The following MYO1E variants were observed in gnomAD, a reference collection of about 807,000 sequenced individuals.
MYO1E encodes the protein unconventional myosin-Ie.
A neutral mutation model predicts 151.1 loss-of-function variants in MYO1E; 68 were observed. The ratio of observed to expected loss-of-function variants is 0.45; its 90% CI spans 0.37 to 0.55. MYO1E has a LOEUF of 0.55. MYO1E is among the 20% of genes least tolerant of loss of function. The pLI, the probability that MYO1E is intolerant of heterozygous loss-of-function variation, is 0.00. For synonymous variants in MYO1E, 601 were observed against 501.7 expected, an observed-to-expected ratio of 1.20 and a Z score of -2.64; for missense variants, 1,363 against 1,389.3, an observed-to-expected ratio of 0.98 and a Z score of 0.30.
Position 59,350,035 on chromosome 15 carries a change from C to T in MYO1E, c.3+22463G>A, listed in dbSNP as rs1176974124. Among the ~76,000 whole-genome samples, 2 of 152,118 alleles carry T rather than the reference C, an allele frequency of 1.3e-5. No individual in the cohort carries two copies. The highest frequency in any genetic ancestry group is 2.9e-5 in the Non-Finnish European group (2 of 68,028). On this transcript the variant is annotated intron_variant, in intron 1 of 27. Coordinates refer to ENST00000288235, the MANE Select transcript of MYO1E (RefSeq NM_004998.4). The surrounding 1 kb of genome is among the most constrained non-coding windows in gnomAD (Gnocchi z 5.0). ...CCTCAGCCACAACCAGGTTGTGGTG[C>T]GTTACATAGTCCCAATGGTGGTATC...
chr15:59,281,320 G>T, intron 1 of MYO1E, among the ~76,000 whole-genome samples: 1 of 148,502 alleles, frequency 6.7e-6, no homozygotes. Context: ...CTGTCACCTA[G>T]GCTGGAGTGT....
chr15:59,234,817 C>T (rs1219015036), intron 5 of MYO1E, among the ~76,000 whole-genome samples: 2 of 82,618 alleles, frequency 2.4e-5, no homozygotes, highest in African/African-American at 3.9e-5. Context: ...AGTGAGACCC[C>T]ATCTCAAAAA....
chr15:59,224,855 T>C (rs2079979778), intron 7 of MYO1E, 32 bp from the exon 8 acceptor site: 4 of 1,613,946 alleles, frequency 2.5e-6, no homozygotes, highest in South Asian at 2.2e-5. Context: ...TGAGCCATGA[T>C]GTGGACCACA....
chr15:59,337,808 G>A (rs1355844436), intron 1 of MYO1E, among the ~76,000 whole-genome samples: 1 of 152,086 alleles, frequency 6.6e-6, no homozygotes, highest in Non-Finnish European at 1.5e-5. Flanking sequence ...CTCCAGCCTA[G>A]GCAACAGAGC....
intron 1 of MYO1E, among the ~76,000 whole-genome samples, chr15:59,283,675 C>G (rs907207364): frequency 2.6e-5 from 4 of 152,216 alleles, no homozygotes; most frequent in African/African-American, 4.8e-5. Flanking sequence ...TATAACTTAT[C>G]TAATCCTTAC....
chr15:59,332,265 G>A (rs1252867772), intron 1 of MYO1E, among the ~76,000 whole-genome samples: 2 of 152,156 alleles, frequency 1.3e-5, no homozygotes, highest in South Asian at 2.1e-4. Flanking sequence ...TCTAACTGCC[G>A]CTACTTCTTT....
intron 1 of MYO1E, among the ~76,000 whole-genome samples, chr15:59,328,343 T>C (rs899831498): frequency 1.2e-4 from 18 of 152,158 alleles, no homozygotes; most frequent in African/African-American, 4.1e-4. Context: ...ACTTGATCCA[T>C]TGCCAGGCTC....
rs145232568 is a variant in MYO1E, at chr15:59,314,736, G to A, written c.4-42287C>T. ...TGGTATCTAGTGAGTGGATACCAGG[G>A]ATGTAGCTAAACATCCTCCTATGCA... On this transcript the variant is annotated intron_variant, in intron 1 of 27. Coordinates refer to ENST00000288235, the MANE Select transcript of MYO1E (RefSeq NM_004998.4). Among the ~76,000 whole-genome samples the A allele has an allele frequency of 4.6e-3, 703 of 152,206 alleles. 8 individuals are homozygous for A. Among genetic ancestry groups the A allele is most frequent in the African/African-American group, 0.016 (669 of 41,518 alleles).
At chr15:59,317,339 C>T (rs911117461) in intron 1 of MYO1E, among the ~76,000 whole-genome samples, 4 of 152,176 alleles carry the variant, frequency 2.6e-5, no homozygotes, top group African/African-American at 9.7e-5. Context: ...CCTAAAGAAA[C>T]CTGGAACAAG....
intron 19 of MYO1E, 64 bp from the exon 20 acceptor site, chr15:59,174,304 T>C (rs1238081753): frequency 2.6e-6 from 3 of 1,170,966 alleles, no homozygotes; most frequent in Non-Finnish European, 3.8e-6. Context: ...ACAACACTTT[T>C]CTTGTTATTC....
chr15:59,250,970 T>C (rs1185299559), intron 4 of MYO1E, among the ~76,000 whole-genome samples: 2 of 152,132 alleles, frequency 1.3e-5, no homozygotes, highest in South Asian at 2.1e-4. Context: ...GCCTCCAGAC[T>C]AGCAAGCTCA....
At chr15:59,284,146 T>C (rs1303359425) in intron 1 of MYO1E, among the ~76,000 whole-genome samples, 1 of 152,200 alleles carries the variant, frequency 6.6e-6, no homozygotes, top group African/African-American at 2.4e-5. Context: ...GCCTGGGGCA[T>C]GGGAGTGCCC....
chr15:59,172,494 G>A (rs750099067), intron 21 of MYO1E, among the ~76,000 whole-genome samples: 8 of 152,258 alleles, frequency 5.3e-5, no homozygotes, highest in South Asian at 4.1e-4. Flanking sequence ...TCACATGACC[G>A]GGCCCCATGA....
chr15:59,140,312 G>T (rs1382617355), intron 26 of MYO1E, among the ~76,000 whole-genome samples: 2 of 152,206 alleles, frequency 1.3e-5, no homozygotes, highest in Admixed American at 1.3e-4. Context: ...AGTTCAACTT[G>T]TTCCTATTTA....
chr15:59,202,422 A>G lies in MYO1E; in HGVS notation c.1617-15T>C. ...TTATGAAAGGCCTGGAAAAGGAGAA[A>G]GAGAATGAATTAACAATCTGTAAGT... On this transcript the variant is annotated splice_polypyrimidine_tract_variant and intron_variant, in intron 15 of 27. Coordinates refer to ENST00000288235, the MANE Select transcript of MYO1E (RefSeq NM_004998.4). The G allele has an allele frequency of 1.2e-6, 2 of 1,608,076 alleles. No homozygotes were observed. The highest frequency in any genetic ancestry group is 1.4e-5 in the African/African-American group (1 of 72,604).
At chr15:59,351,059 G>A (rs2080820621) in intron 1 of MYO1E, among the ~76,000 whole-genome samples, 1 of 152,168 alleles carries the variant, frequency 6.6e-6, no homozygotes, top group Admixed American at 6.5e-5. Flanking sequence ...ACCACGCCCA[G>A]CTAATTTTTT....
At chr15:59,181,868 G>A (rs17302219) in intron 18 of MYO1E, among the ~76,000 whole-genome samples, 44,492 of 152,090 alleles carry the variant, frequency 0.29, 7,113 homozygotes, top group East Asian at 0.57. Flanking sequence ...GCCTTTCTGT[G>A]GACACCTAGA....
intron 1 of MYO1E, among the ~76,000 whole-genome samples, chr15:59,347,282 G>A (rs1386028332): frequency 6.6e-6 from 1 of 152,172 alleles, no homozygotes; most frequent in Non-Finnish European, 1.5e-5. Flanking sequence ...CGCTTCTAAT[G>A]AGAATCTAAT....
intron 1 of MYO1E, among the ~76,000 whole-genome samples, chr15:59,297,783 T>C (rs2080459660): frequency 6.6e-6 from 1 of 152,018 alleles, no homozygotes; most frequent in African/African-American, 2.4e-5. Flanking sequence ...GGTCTCACTA[T>C]GTTGCCCGGG....
Sources: gnomAD v4.1 joint callset for allele counts (sites outside exome capture counted in the v4.1 genomes callset) on GRCh38, gnomAD v4.1.1 for gene constraint, Gnocchi (gnomAD v3.1) non-coding constraint, MANE v1.5 for transcripts, NCBI Gene and HGNC (gene_info 2026-07-23, HGNC 2026-07-21) for gene names.